The following NDUFB2 variants were observed in gnomAD, a reference collection of about 807,000 sequenced individuals.
NDUFB2 encodes the protein NADH:ubiquinone oxidoreductase subunit B2, also known as NADH dehydrogenase [ubiquinone] 1 beta subcomplex subunit 2, mitochondrial.
In NDUFB2, 13 loss-of-function variants were observed where a neutral mutation model predicts 13.4. The observed-to-expected ratio is 0.97, with a 90% confidence interval of 0.63 to 1.54. NDUFB2 has a LOEUF of 1.54. NDUFB2 is among the 40% of genes most tolerant of loss of function. The probability of loss-of-function intolerance (pLI) is 0.00; values close to 1 mark genes in which losing one functional copy is unlikely to be tolerated. For missense variants in NDUFB2, 150 were observed against 139.7 expected (o/e 1.07, Z -0.37); for synonymous variants, 47 against 50.6 (o/e 0.93, Z 0.30).
Position 140,697,957 on chromosome 7 carries a change from C to T in NDUFB2, c.98+1115C>T. 6 of 1,276,452 alleles carry T rather than the reference C, an allele frequency of 4.7e-6. No homozygotes were observed. In the South Asian group the frequency reaches 7.5e-5, roughly 16 times the overall value. 79.1% of individuals were successfully genotyped at this position (1,276,452 alleles called of 1,614,324 possible). A position where few individuals can be genotyped will look rare whatever the true frequency, so the allele number is the denominator to read the frequency against. On this transcript the variant is annotated intron_variant, in intron 1 of 3. Transcript: ENST00000247866. Reference sequence around the variant, plus strand: ...TCAAGTGATTCTCCAGCCTCGGCCTCCCAAAGTGTTGGGAATACAGGCGAG... The same window carrying T: ...TCAAGTGATTCTCCAGCCTCGGCCTTCCAAAGTGTTGGGAATACAGGCGAG...
At chr7:140,702,689 C>T in intron 1 of NDUFB2, 177 bp from the exon 2 acceptor site, 2 of 724,360 alleles carry the variant, frequency 2.8e-6, no homozygotes, top group Non-Finnish European at 4.3e-6. Flanking sequence ...TTTGCTGCTA[C>T]ACATGAAGCA....
chr7:140,702,836 C>T (rs201879003), intron 1 of NDUFB2, 30 bp from the exon 2 acceptor site: 71 of 1,612,144 alleles, frequency 4.4e-5, no homozygotes, highest in Middle Eastern at 1.7e-4. Flanking sequence ...GAATGTAGCA[C>T]GCTGTCTGCC....
At chr7:140,697,483 C>T (rs146678929) in intron 1 of NDUFB2, 865 of 693,488 alleles carry the variant, frequency 1.2e-3, no homozygotes, top group Non-Finnish European at 1.8e-3. Context: ...TGGCCCGAGA[C>T]GCAGACCGGA....
Position 140,704,870 on chromosome 7 carries a change from C to T in NDUFB2, c.254C>T (p.Pro85Leu), listed in dbSNP as rs557664551. 1,070 of 1,593,450 alleles carry T rather than the reference C, an allele frequency of 6.7e-4. 19 individuals are homozygous for T. The South Asian group carries it at 0.011, about 17-fold the overall frequency. ...AATGGTTGTCACCAGGGTCACTTTC[C>T]GTATCCTGATCCTTCCCAGTGGACA... ...HDSEEVLGHF[P>L]YPDPSQWTDE... The change falls in exon 3 of 4, where the codon CCG becomes CTG. Residue 85 changes from proline (P) to leucine (L), a missense_variant. By Grantham distance (98) the Pro-to-Leu change is moderately conservative. Coordinates refer to ENST00000247866, the MANE Select transcript of NDUFB2 (RefSeq NM_004546.3).
chr7:140,703,420 G>A (rs1158627155), intron 2 of NDUFB2, among the ~76,000 whole-genome samples: 1 of 151,804 alleles, frequency 6.6e-6, no homozygotes, highest in Non-Finnish European at 1.5e-5. Context: ...GACTACAGGT[G>A]TGCACCCCCA....
intron 1 of NDUFB2, among the ~76,000 whole-genome samples, chr7:140,697,596 G>C (rs960825690): frequency 1.4e-4 from 21 of 152,156 alleles, no homozygotes; most frequent in African/African-American, 4.6e-4. Flanking sequence ...AGCAGGACTG[G>C]AAAAGAGTCA....
At chr7:140,706,378 C>T (rs1394149420) in intron 3 of NDUFB2, 185 bp from the exon 4 acceptor site, 1 of 151,972 alleles carries the variant, frequency 6.6e-6, no homozygotes, top group African/African-American at 2.4e-5. Flanking sequence ...ACCTGGCCAA[C>T]AAATTTGTTT....
At chr7:140,701,380 A>G (rs1413606330) in intron 1 of NDUFB2, among the ~76,000 whole-genome samples, 1 of 152,190 alleles carries the variant, frequency 6.6e-6, no homozygotes, top group Non-Finnish European at 1.5e-5. Flanking sequence ...CTCAATAACT[A>G]CCAGTCATCT....
intron 2 of NDUFB2, among the ~76,000 whole-genome samples, chr7:140,704,065 A>AT: frequency 6.6e-6 from 1 of 152,162 alleles, no homozygotes; most frequent in South Asian, 2.1e-4. Context: ...AGTTTTAGTG[A>AT]TTTTCTAACA....
rs1010881799 is a variant in NDUFB2 at position 140,706,600 on chromosome 7, T to A, written c.*67T>A. 5 of 150,658 alleles carry A rather than the reference T, an allele frequency of 3.3e-5. No homozygotes were observed. In the East Asian group the frequency reaches 9.8e-4, roughly 30 times the overall value. 9.3% of individuals were successfully genotyped at this position (150,658 alleles called of 1,614,324 possible). On this transcript the variant is annotated 3_prime_UTR_variant, in exon 4 of 4. Coordinates refer to ENST00000247866, the MANE Select transcript of NDUFB2 (RefSeq NM_004546.3). Reference sequence around the variant, plus strand: ...AATTTCAAGGATTATCGACTTCATATTGCACATTAAAGTTACAAATTAAAG... The same window carrying A: ...AATTTCAAGGATTATCGACTTCATAATGCACATTAAAGTTACAAATTAAAG...
intron 1 of NDUFB2, among the ~76,000 whole-genome samples, chr7:140,701,506 C>T (rs899056732): frequency 6.6e-6 from 1 of 152,074 alleles, no homozygotes; most frequent in Admixed American, 6.6e-5. Flanking sequence ...TGTATGTAAT[C>T]CCAGCTACTT....
chr7:140,699,716 T>G (rs556512579), intron 1 of NDUFB2, among the ~76,000 whole-genome samples: 1 of 151,856 alleles, frequency 6.6e-6, no homozygotes, highest in African/African-American at 2.4e-5. Context: ...GATTGATTGC[T>G]TAGCTTCCAG....
chr7:140,698,617 G>T (rs1794852240), intron 1 of NDUFB2, among the ~76,000 whole-genome samples: 1 of 152,034 alleles, frequency 6.6e-6, no homozygotes, highest in Non-Finnish European at 1.5e-5. Context: ...GAGACCTCAA[G>T]GGAAGAGCCC....
At chr7:140,702,795 CAGA>C (rs1794914032) in intron 1 of NDUFB2, 68 bp from the exon 2 acceptor site, 2 of 1,569,966 alleles carry the variant, frequency 1.3e-6, no homozygotes, top group Non-Finnish European at 1.7e-6. Context: ...GGATGTAACT[CAGA>C]GGAGTTTTGG....
intron 1 of NDUFB2, chr7:140,697,188 G>A (rs985411533): frequency 8.1e-6 from 5 of 614,764 alleles, no homozygotes; most frequent in Non-Finnish European, 1.4e-5. Context: ...CGGCGGGTGT[G>A]GACGCTCCTG....
At chr7:140,704,090 A>G (rs1209877937) in intron 2 of NDUFB2, among the ~76,000 whole-genome samples, 4 of 152,158 alleles carry the variant, frequency 2.6e-5, no homozygotes, top group African/African-American at 4.8e-5. Context: ...ATTAGCCTCA[A>G]CTGAGGTTTT....
Position 140,702,917 on chromosome 7 carries a change from G to C in NDUFB2, c.150G>C (p.Leu50=), listed in dbSNP as rs1246122908. Residue 50 remains leucine, a synonymous_variant, in exon 2 of 4, where the codon CTG becomes CTC. Transcript: ENST00000247866. ...CCCGGTATAGACAGTTCCCCCAGCT[G>C]ACCAGATCCCAGGTGTTCCAGAGCG... ...IEPRYRQFPQ[L]TRSQVFQSEF... 6.2e-7 allele frequency: 1 copy of C among 1,614,142 alleles called. No individual in the cohort carries two copies. The highest frequency in any genetic ancestry group is 2.2e-5 in the East Asian group (1 of 44,880).
chr7:140,702,381 T>C, intron 1 of NDUFB2: 1 of 272,522 alleles, frequency 3.7e-6, no homozygotes, highest in Non-Finnish European at 6.9e-6. Context: ...TTAAAGTTCT[T>C]TGTTCAGAGC....
chr7:140,697,122 C>T (rs896052585), intron 1 of NDUFB2: 4 of 585,262 alleles, frequency 6.8e-6, no homozygotes, highest in Non-Finnish European at 9.0e-6. Context: ...GAATGCGGAG[C>T]GGGCTGAGCC....
Sources: allele counts gnomAD v4.1 joint callset (sites outside exome capture counted in the v4.1 genomes callset), GRCh38; gene constraint gnomAD v4.1.1; transcripts MANE v1.5; gene names NCBI Gene and HGNC (gene_info 2026-07-23, HGNC 2026-07-21).